The following REV1 variants were observed in gnomAD, a reference collection of about 807,000 sequenced individuals.
REV1 encodes the protein translesion synthesis protein REV1.
Under a neutral mutation model 137.4 loss-of-function variants are expected in REV1, and 42 were observed. That is an observed-to-expected ratio of 0.31 (90% CI 0.24 to 0.40). The LOEUF (loss-of-function observed/expected upper bound fraction) is 0.40. Among genes scored for constraint, REV1 ranks in the 10% least tolerant of loss-of-function variants. REV1 has a pLI of 1.00. For synonymous variants in REV1, 524 were observed against 519.2 expected (o/e 1.01, Z -0.12); for missense variants, 1,282 against 1,490.1 (o/e 0.86, Z 2.30).
At chr2:99,482,535 A>G (rs1232601974) in intron 1 of REV1, among the ~76,000 whole-genome samples, 1 of 152,198 alleles carries the variant, frequency 6.6e-6, no homozygotes, top group Non-Finnish European at 1.5e-5. Flanking sequence ...TTAACTTACG[A>G]TGCCTTACCT....
Position 99,465,009 on chromosome 2 carries a change from AT to A in REV1, c.-10-25del, listed in dbSNP as rs745843170. The stretch of plus-strand genomic sequence containing the variant: ...TTCTGTATTGGGGAGGAAAAAAAAA[AT>A]GTCAATTTTATAACATAATGTATTT... On this transcript the variant is annotated intron_variant, in intron 1 of 22. Coordinates refer to ENST00000258428, the MANE Select transcript of REV1 (RefSeq NM_016316.4). 1.9e-6 allele frequency: 3 copies of A among 1,556,540 alleles called. No individual in the cohort carries two copies. In the South Asian group the frequency reaches 3.4e-5, roughly 18 times the overall value.
At chr2:99,459,812 C>T (rs1683973591) in intron 3 of REV1, among the ~76,000 whole-genome samples, 1 of 152,142 alleles carries the variant, frequency 6.6e-6, no homozygotes, top group Non-Finnish European at 1.5e-5. Context: ...AATAGGTTGA[C>T]AGGTGAACTA....
At position 99,405,937 on chromosome 2, in the gene REV1, C is replaced by A. The variant is rs776568119; in HGVS notation, c.2784G>T (p.Leu928=). The A allele has an allele frequency of 6.3e-7, 1 of 1,594,596 alleles. No homozygotes were observed. Among genetic ancestry groups the A allele is most frequent in the Non-Finnish European group, 8.5e-7 (1 of 1,170,656 alleles). The change falls in exon 17 of 23, where the codon CTG becomes CTT. Residue 928 remains leucine, a synonymous_variant. Coordinates refer to ENST00000258428, the MANE Select transcript of REV1 (RefSeq NM_016316.4). Reference sequence around the variant, plus strand: ...GGGAAGGTGACGGGACCTCTATACTCAGGTTAAGTCTCGACTGCACACTGA... The same window carrying A: ...GGGAAGGTGACGGGACCTCTATACTAAGGTTAAGTCTCGACTGCACACTGA... ...TPVSVQSRLN[L]SIEVPSPSQL... is the part of the protein sequence containing the mutation.
intron 1 of REV1, among the ~76,000 whole-genome samples, chr2:99,465,352 TC>T (rs1323879226): frequency 6.6e-6 from 1 of 152,154 alleles, no homozygotes; most frequent in Admixed American, 6.6e-5. Context: ...ACAAAACATT[TC>T]CCTTCATGAG....
At chr2:99,424,990 T>C (rs1221857986) in intron 9 of REV1, 3 of 912,222 alleles carry the variant, frequency 3.3e-6, no homozygotes, top group African/African-American at 1.8e-5. Context: ...ACTATAATTA[T>C]GGAATTATAC....
rs770404522 is a variant in REV1 at position 99,438,725 on chromosome 2, C to A, written c.1089G>T (p.Met363Ile). ...YSHSRLHHIS[M>I]WKCELTEFVN... ...CAAACTCAGTCAATTCACACTTCCA[C>A]ATTGATATGTGATGCAGTCTTGAAT... is the stretch of plus-strand genomic sequence containing the variant. Residue 363 changes from methionine to isoleucine, a missense_variant, in exon 6 of 23, where the codon ATG becomes ATT. Physicochemically the swap from Met to Ile is conservative, Grantham distance 10. This residue lies in a region of REV1 where 432 missense variants were observed against 438.0 expected (regional missense o/e 0.99). Transcript: ENST00000258428. 6.2e-7 allele frequency: 1 copy of A among 1,614,012 alleles called. No individual in the cohort carries two copies. Among genetic ancestry groups the A allele is most frequent in the Non-Finnish European group, 8.5e-7 (1 of 1,179,872 alleles).
In REV1 at chr2:99,411,411, C is replaced by CTT. The variant is rs550532536; in HGVS notation, c.2173-546_2173-545dup. Among the ~76,000 whole-genome samples, 107 of 138,628 alleles carry CTT rather than the reference C, an allele frequency of 7.7e-4. No homozygotes were observed. In the East Asian group the frequency reaches 8.2e-3, roughly 11 times the overall value. The allele number at this position is 138,628 out of a possible 152,430, so 90.9% of individuals were successfully genotyped here. On this transcript the variant is annotated intron_variant, in intron 13 of 22. Transcript: ENST00000258428. ...TTAAAAGATATTTTTCCTTTCTTTCCTTTTTTTTTTTTTTGAGACAGTCTC... is the reference window on the plus strand; with the variant it reads ...TTAAAAGATATTTTTCCTTTCTTTCCTTTTTTTTTTTTTTTTGAGACAGTCTC...
chr2:99,454,297 C>T (rs1333032472), intron 3 of REV1, among the ~76,000 whole-genome samples: 2 of 151,976 alleles, frequency 1.3e-5, no homozygotes, highest in Non-Finnish European at 2.9e-5. Flanking sequence ...CACCTGTAAT[C>T]CCAGCACTTT....
chr2:99,463,770 C>T (rs1684502522), intron 2 of REV1, among the ~76,000 whole-genome samples: 2 of 152,052 alleles, frequency 1.3e-5, no homozygotes, highest in Admixed American at 6.5e-5. Context: ...ATTATAGGTG[C>T]TCACCACTAT....
intron 3 of REV1, among the ~76,000 whole-genome samples, chr2:99,460,558 C>T (rs1684066932): frequency 6.6e-6 from 1 of 152,196 alleles, no homozygotes; most frequent in Non-Finnish European, 1.5e-5. Flanking sequence ...AACAAAATAG[C>T]ACCTCCTACT....
At chr2:99,445,151 A>C (rs1682038776) in intron 4 of REV1, among the ~76,000 whole-genome samples, 1 of 152,030 alleles carries the variant, frequency 6.6e-6, no homozygotes, top group Admixed American at 6.6e-5. Context: ...AAACACAAGG[A>C]ATGGCAAAAA....
intron 4 of REV1, among the ~76,000 whole-genome samples, chr2:99,447,716 G>GTCTTT (rs1559365857): frequency 6.9e-6 from 1 of 145,470 alleles, no homozygotes; most frequent in Non-Finnish European, 1.5e-5. Flanking sequence ...ACTGCATAAA[G>GTCTTT]TTTTTTTTTT....
At chr2:99,459,739 A>G (rs2105081810) in intron 3 of REV1, among the ~76,000 whole-genome samples, 1 of 152,220 alleles carries the variant, frequency 6.6e-6, no homozygotes, top group South Asian at 2.1e-4. Flanking sequence ...AACAAAAAGG[A>G]TAGAAGGCAA....
intron 9 of REV1, chr2:99,424,747 C>T (rs1413933409): frequency 1.5e-6 from 2 of 1,300,954 alleles, no homozygotes; most frequent in Non-Finnish European, 2.0e-6. Flanking sequence ...ATGTGACAAA[C>T]AGACAAAATG....
chr2:99,456,717 T>C (rs973360427), intron 3 of REV1, among the ~76,000 whole-genome samples: 2 of 152,190 alleles, frequency 1.3e-5, no homozygotes, highest in Admixed American at 6.5e-5. Context: ...GAATTATATA[T>C]CTCTCTATAT....
intron 1 of REV1, among the ~76,000 whole-genome samples, chr2:99,476,982 T>A (rs1322002434): frequency 6.6e-6 from 1 of 152,210 alleles, no homozygotes; most frequent in African/African-American, 2.4e-5. Context: ...TAAAAGCCCT[T>A]TCAGGAGTTC....
In REV1 at chr2:99,488,090, T is replaced by A. The variant is rs1197390761; in HGVS notation, c.-11+1727A>T. On this transcript the variant is annotated intron_variant, in intron 1 of 22. Transcript: ENST00000258428. Reference sequence around the variant, plus strand: ...TAGGGCCAGAAATCTAACCTCCATGTAACTGTGAACTTCCTGTCTTTCCAC... The same window carrying A: ...TAGGGCCAGAAATCTAACCTCCATGAAACTGTGAACTTCCTGTCTTTCCAC... Among the ~76,000 whole-genome samples, 5 of 118,886 alleles carry A rather than the reference T, an allele frequency of 4.2e-5. 2 individuals are homozygous for A. Among genetic ancestry groups the A allele is most frequent in the African/African-American group, 1.5e-4 (5 of 33,200 alleles). 78.0% of individuals were successfully genotyped at this position (118,886 alleles called of 152,430 possible).
At chr2:99,462,742 A>C in intron 2 of REV1, 120 bp from the exon 3 acceptor site, 2 of 1,005,130 alleles carry the variant, frequency 2.0e-6, no homozygotes, top group Non-Finnish European at 3.0e-6. Context: ...TAGTGACCAG[A>C]ACATAATGAT....
At chr2:99,489,169 G>C (rs1222993634) in intron 1 of REV1, among the ~76,000 whole-genome samples, 1 of 152,118 alleles carries the variant, frequency 6.6e-6, no homozygotes, top group Non-Finnish European at 1.5e-5. Context: ...GACAGTTGGG[G>C]AACGGCGCCC....
Sources: gnomAD v4.1 joint callset for allele counts (sites outside exome capture counted in the v4.1 genomes callset) on GRCh38, gnomAD v4.1.1 for gene constraint, gnomAD v4.1.1 regional missense constraint, MANE v1.5 for transcripts, NCBI Gene and HGNC (gene_info 2026-07-23, HGNC 2026-07-21) for gene names.